DPCD: variants seen among roughly 807,000 people sequenced by gnomAD.
The protein encoded by DPCD is deleted in primary ciliary dyskinesia homolog (mouse).
In DPCD, 20 loss-of-function variants were observed where a neutral mutation model predicts 26.4. The ratio of observed to expected loss-of-function variants is 0.76; its 90% CI spans 0.53 to 1.10. The LOEUF (loss-of-function observed/expected upper bound fraction) is 1.10, where lower values mean the gene tolerates loss of function less well. DPCD is among the 50% of genes least tolerant of loss of function. The pLI, the probability that DPCD is intolerant of heterozygous loss-of-function variation, is 0.00. For synonymous variants in DPCD, 97 were observed against 94.2 expected (o/e 1.03, Z -0.17); for missense variants, 202 against 253.9 (o/e 0.80, Z 1.39).
Position 101,600,009 on chromosome 10 carries a change from A to C in DPCD, c.146-729A>C, listed in dbSNP as rs1349546715. 1.3e-5 allele frequency among the ~76,000 whole-genome samples: 2 copies of C among 152,234 alleles called. No homozygotes were observed. Among genetic ancestry groups the C allele is most frequent in the Non-Finnish European group, 2.9e-5 (2 of 68,038 alleles). On this transcript the variant is annotated intron_variant, in intron 2 of 5. Transcript: ENST00000370151. The surrounding 1 kb of genome is among the most constrained non-coding windows in gnomAD (Gnocchi z 4.7). ...TTTCTTGATTTATAATTTTCATAAT[A>C]TATGTGCCTTAAAATCTTATGCAAG... is the stretch of plus-strand genomic sequence containing the variant.
At position 101,600,936 on chromosome 10, in the gene DPCD, A is replaced by G; in HGVS notation, c.270+74A>G. Reference sequence around the variant, plus strand: ...CTGTGGGCTGCTGGCTCTTGAGGGCAGGGACCATGTCTTGTTCACCTCCTC... The same window carrying G: ...CTGTGGGCTGCTGGCTCTTGAGGGCGGGGACCATGTCTTGTTCACCTCCTC... On this transcript the variant is annotated intron_variant, in intron 3 of 5. Transcript: ENST00000370151. This position sits in a 1 kb window ranked among gnomAD's most constrained non-coding sequence, Gnocchi z 4.7. 1 of 1,605,048 alleles carries G rather than the reference A, an allele frequency of 6.2e-7. No homozygotes were observed. The highest frequency in any genetic ancestry group is 8.5e-7 in the Non-Finnish European group (1 of 1,177,358).
intron 2 of DPCD, chr10:101,596,570 TCTTA>T (rs1589723533): frequency 6.6e-6 from 1 of 152,176 alleles, no homozygotes; most frequent in Admixed American, 6.5e-5. Context: ...TTTCTTTTCT[TCTTA>T]CTGTTTTTCT....
intron 4 of DPCD, chr10:101,605,118 TTTGC>T: frequency 6.4e-7 from 1 of 1,550,544 alleles, no homozygotes; most frequent in Non-Finnish European, 8.7e-7. Context: ...TTTAAGAAGA[TTTGC>T]TTGCTGCTTT....
In DPCD at chr10:101,600,163, T is replaced by A. The variant is rs1464996551; in HGVS notation, c.146-575T>A. Among the ~76,000 whole-genome samples, 1 of 152,256 alleles carries A rather than the reference T, an allele frequency of 6.6e-6. No individual in the cohort carries two copies. The highest frequency in any genetic ancestry group is 1.5e-5 in the Non-Finnish European group (1 of 68,040). On this transcript the variant is annotated intron_variant, in intron 2 of 5. Transcript: ENST00000370151. This position sits in a 1 kb window ranked among gnomAD's most constrained non-coding sequence, Gnocchi z 4.7. Reference sequence around the variant, plus strand: ...TAAAATATGGCATGTGCCTACGATTTTGTTTAAATGCAGCTTTGGAGCGTT... The same window carrying A: ...TAAAATATGGCATGTGCCTACGATTATGTTTAAATGCAGCTTTGGAGCGTT...
In DPCD at chr10:101,600,859, C is replaced by G. The variant is rs1490151670; in HGVS notation, c.267C>G (p.Ala89=). ...CTGAACTCATCAAGGAAAGCAATGCCAATGTACGTCCATCTGTCCAGGTGT... is the reference window on the plus strand; with the variant it reads ...CTGAACTCATCAAGGAAAGCAATGCGAATGTACGTCCATCTGTCCAGGTGT... ...LGPELIKESN[A]NPIFMRKDTK... Residue 89 remains alanine, a synonymous_variant, in exon 3 of 6, where the codon GCC becomes GCG. Coordinates refer to ENST00000370151, the MANE Select transcript of DPCD (RefSeq NM_015448.3). This position sits in a 1 kb window ranked among gnomAD's most constrained non-coding sequence, Gnocchi z 4.7. The G allele has an allele frequency of 6.8e-6, 11 of 1,613,466 alleles. No homozygotes were observed. Among genetic ancestry groups the G allele is most frequent in the Non-Finnish European group, 9.3e-6 (11 of 1,179,700 alleles).
intron 1 of DPCD, 39 bp downstream of exon 1, chr10:101,588,439 C>T (rs200103612): frequency 4.3e-5 from 67 of 1,561,102 alleles, no homozygotes; most frequent in Admixed American, 2.5e-4. Flanking sequence ...CGTTTTTTTC[C>T]CTCAGGGTCC....
At position 101,603,948 on chromosome 10, in the gene DPCD, G is replaced by T. The variant is rs2063716363; in HGVS notation, c.404+2612G>T. On this transcript the variant is annotated intron_variant, in intron 4 of 5. Transcript: ENST00000370151. The surrounding 1 kb of genome is among the most constrained non-coding windows in gnomAD (Gnocchi z 4.6). The stretch of plus-strand genomic sequence containing the variant: ...TAAACAATTTTTTATAGCGTTGAGG[G>T]TCTCTCCATTTTGCCCAAGCTGCTC... Among the ~76,000 whole-genome samples the T allele has an allele frequency of 1.3e-5, 2 of 152,098 alleles. No homozygotes were observed. The highest frequency in any genetic ancestry group is 4.8e-5 in the African/African-American group (2 of 41,436).
At chr10:101,599,345 C>G (rs543174806) in intron 2 of DPCD, among the ~76,000 whole-genome samples, 30 of 152,292 alleles carry the variant, frequency 2.0e-4, no homozygotes, top group African/African-American at 7.0e-4. Flanking sequence ...TACTCCTGGT[C>G]ACAGTCCGTT....
chr10:101,592,126 A>T (rs980500239), intron 1 of DPCD, among the ~76,000 whole-genome samples: 1 of 152,074 alleles, frequency 6.6e-6, no homozygotes, highest in Non-Finnish European at 1.5e-5. Context: ...TATTAAAACA[A>T]AGTATAGATA....
At chr10:101,593,011 A>AAAAAAAAAAAACC (rs1564890884) in intron 1 of DPCD, among the ~76,000 whole-genome samples, 2 of 146,148 alleles carry the variant, frequency 1.4e-5, no homozygotes, top group Non-Finnish European at 3.0e-5. Context: ...AGACTCTGTC[A>AAAAAAAAAAAACC]AAAAAAAAAA....
intron 4 of DPCD, among the ~76,000 whole-genome samples, chr10:101,604,614 G>A (rs191045272): frequency 2.6e-5 from 4 of 152,324 alleles, no homozygotes; most frequent in Admixed American, 1.3e-4. Flanking sequence ...TCCTGATAAC[G>A]TTTGTGCAGA....
In DPCD at chr10:101,594,521, C is replaced by T. The variant is rs576744502; in HGVS notation, c.65-137C>T. ...TAAAGTAATGGTGGGTGGTGGTTGG[C>T]AAGGAGTTTGGGGAGGTCCTGGCTG... is the stretch of plus-strand genomic sequence containing the variant. On this transcript the variant is annotated intron_variant, in intron 1 of 5. Coordinates refer to ENST00000370151, the MANE Select transcript of DPCD (RefSeq NM_015448.3). 69 of 732,564 alleles carry T rather than the reference C, an allele frequency of 9.4e-5. 1 individual carries two copies. The African/African-American group carries it at 1.0e-3, about 11-fold the overall frequency. The allele number at this position is 732,564 out of a possible 1,614,324, so 45.4% of individuals were successfully genotyped here.
chr10:101,590,065 A>G (rs2063586839), intron 1 of DPCD, among the ~76,000 whole-genome samples: 1 of 133,840 alleles, frequency 7.5e-6, no homozygotes, highest in Non-Finnish European at 1.7e-5. Context: ...AAAAACTGGA[A>G]AAAAAAAAAA....
rs112037539 is a variant in DPCD at position 101,601,464 on chromosome 10, G to A, written c.404+128G>A. 5.1e-4 allele frequency: 189 copies of A among 373,600 alleles called. 3 individuals are homozygous for A. Among genetic ancestry groups the A allele is most frequent in the African/African-American group, 3.5e-3 (153 of 44,304 alleles). The allele number at this position is 373,600 out of a possible 1,614,324, so 23.1% of individuals were successfully genotyped here. On this transcript the variant is annotated intron_variant, in intron 4 of 5. Transcript: ENST00000370151. The stretch of plus-strand genomic sequence containing the variant: ...GGAAGCCCTTCTGCTTACAGGTATT[G>A]GAAGGGCTTCCTCTCTGCAGGACCG...
chr10:101,609,435 A>T lies in DPCD; in HGVS notation c.576A>T (p.Thr192=), dbSNP rs768972892. The T allele has an allele frequency of 6.2e-7, 1 of 1,614,148 alleles. No homozygotes were observed. The highest frequency in any genetic ancestry group is 2.2e-5 in the East Asian group (1 of 44,884). The part of the protein sequence containing the change: ...ELQKELKKVK[T]AHSNDGDCKT... ...AGAAGGAACTAAAGAAGGTGAAGAC[A>T]GCCCACAGCAACGATGGGGACTGCA... The change falls in exon 6 of 6, where the codon ACA becomes ACT. Residue 192 remains threonine, a synonymous_variant. Coordinates refer to ENST00000370151, the MANE Select transcript of DPCD (RefSeq NM_015448.3).
chr10:101,608,997 C>T (rs2063753590), intron 5 of DPCD, 60 bp downstream of exon 5: 2 of 1,364,166 alleles, frequency 1.5e-6, no homozygotes, highest in Admixed American at 3.4e-5. Context: ...CTTTCCCTGC[C>T]CACTTCCCAT....
At chr10:101,590,788 C>T (rs1442075618) in intron 1 of DPCD, among the ~76,000 whole-genome samples, 2 of 152,108 alleles carry the variant, frequency 1.3e-5, no homozygotes, top group Non-Finnish European at 2.9e-5. Flanking sequence ...CTCATTCCCT[C>T]CTCCTCCCAT....
chr10:101,599,874 C>G (rs1047763201), intron 2 of DPCD, among the ~76,000 whole-genome samples: 2 of 152,194 alleles, frequency 1.3e-5, no homozygotes, highest in African/African-American at 4.8e-5. Context: ...GGGAAAGGAA[C>G]TGGGGGATAG....
intron 5 of DPCD, 21 bp downstream of exon 5, chr10:101,608,958 T>G (rs2063753136): frequency 6.3e-7 from 1 of 1,575,562 alleles, no homozygotes; most frequent in African/African-American, 1.4e-5. Flanking sequence ...CCCAGACTTC[T>G]TGGACACTGC....
Sources: gnomAD v4.1 joint callset for allele counts (sites outside exome capture counted in the v4.1 genomes callset) on GRCh38, gnomAD v4.1.1 for gene constraint, Gnocchi (gnomAD v3.1) non-coding constraint, MANE v1.5 for transcripts, NCBI Gene and HGNC (gene_info 2026-07-23, HGNC 2026-07-21) for gene names.